The following ADARB2 variants were observed in gnomAD, a reference collection of about 807,000 sequenced individuals.
ADARB2 encodes the protein adenosine deaminase RNA specific B2 (inactive).
ADARB2 carries 25 observed loss-of-function variants against 62.2 expected under a neutral mutation model. The observed-to-expected ratio is 0.40, with a 90% confidence interval of 0.29 to 0.56. The LOEUF (loss-of-function observed/expected upper bound fraction) is 0.56. Ranked by LOEUF, ADARB2 falls within the 20% of genes least tolerant of loss-of-function variation. The pLI is 0.43. For missense variants in ADARB2, 1,071 were observed against 1,077.4 expected, an observed-to-expected ratio of 0.99 and a Z score of 0.08; for synonymous variants, 572 against 500.8, an observed-to-expected ratio of 1.14 and a Z score of -1.90.
chr10:1,249,019 A>G (rs1317016239), intron 4 of ADARB2, among the ~76,000 whole-genome samples: 6 of 152,248 alleles, frequency 3.9e-5, no homozygotes. Context: ...CGTAGCCTGC[A>G]CAACAAAGCA....
chr10:1,199,798 G>T, intron 8 of ADARB2, 168 bp downstream of exon 8: 1 of 722,958 alleles, frequency 1.4e-6, no homozygotes, highest in South Asian at 2.3e-5. Flanking sequence ...GAGAGATGCT[G>T]AAACCTTTCA....
chr10:1,366,466 T>G (rs1379470567), intron 2 of ADARB2, among the ~76,000 whole-genome samples: 1 of 152,204 alleles, frequency 6.6e-6, no homozygotes, highest in Non-Finnish European at 1.5e-5. Flanking sequence ...TAGTGAGCTG[T>G]GCCCTTGCCC....
At chr10:1,186,996 C>T (rs1371236635) in intron 8 of ADARB2, among the ~76,000 whole-genome samples, 1 of 152,260 alleles carries the variant, frequency 6.6e-6, no homozygotes, top group African/African-American at 2.4e-5. Flanking sequence ...CTCTGCTGCT[C>T]CCAGCTTCAT....
chr10:1,415,554 C>T lies in ADARB2; in HGVS notation c.101-36394G>A, dbSNP rs998243930. On this transcript the variant is annotated intron_variant, in intron 1 of 9. Coordinates refer to ENST00000381312, the MANE Select transcript of ADARB2 (RefSeq NM_018702.4). ...AAATATTTGGGAATAGGGTGACTCT[C>T]TCTAATTAAGACTTCAATTACTTTT... 3.9e-5 allele frequency among the ~76,000 whole-genome samples: 6 copies of T among 152,184 alleles called. No individual in the cohort carries two copies. In the East Asian group the frequency reaches 1.2e-3, roughly 29 times the overall value.
In ADARB2 at chr10:1,233,889, C is replaced by G. The variant is rs754273427; in HGVS notation, c.1362-44G>C. The G allele has an allele frequency of 6.9e-5, 110 of 1,587,334 alleles. 2 individuals are homozygous for G. In the South Asian group the frequency reaches 1.3e-3, roughly 18 times the overall value. On this transcript the variant is annotated intron_variant, in intron 5 of 9. Coordinates refer to ENST00000381312, the MANE Select transcript of ADARB2 (RefSeq NM_018702.4). The stretch of plus-strand genomic sequence containing the variant: ...TTGGGGTCATTTATCACAAACCAAA[C>G]CAGAAATGTTCCAACCAGGTGAACG...
chr10:1,630,567 G>T (rs781661575), intron 1 of ADARB2, among the ~76,000 whole-genome samples: 5 of 152,158 alleles, frequency 3.3e-5, no homozygotes, highest in Non-Finnish European at 7.3e-5. Flanking sequence ...CAGGGCAGAG[G>T]GGGTGTGTGC....
intron 1 of ADARB2, among the ~76,000 whole-genome samples, chr10:1,551,646 C>T (rs918799861): frequency 6.6e-6 from 1 of 152,204 alleles, no homozygotes; most frequent in African/African-American, 2.4e-5. Context: ...GACATCTCAC[C>T]TGGTAACCCA....
At chr10:1,440,881 G>A (rs2131895567) in intron 1 of ADARB2, among the ~76,000 whole-genome samples, 1 of 152,310 alleles carries the variant, frequency 6.6e-6, no homozygotes, top group East Asian at 1.9e-4. Context: ...CCTTAGCCAA[G>A]GTGCTCACAG....
In ADARB2 at chr10:1,529,118, CCCCAACACAAATCCTCCAATCA is replaced by C. The variant is rs1564318408; in HGVS notation, c.101-149980_101-149959del. Among the ~76,000 whole-genome samples, 121 of 148,756 alleles carry C rather than the reference CCCCAACACAAATCCTCCAATCA, an allele frequency of 8.1e-4. 3 individuals are homozygous for C. The East Asian group carries it at 0.014, about 17-fold the overall frequency. On this transcript the variant is annotated intron_variant, in intron 1 of 9. Transcript: ENST00000381312. ...ATCCTCCAATCAGTCCACGCACCAT[CCCCAACACAAATCCTCCAATCA>C]GTCCACGCACCATCCCCAACACAAA...
intron 1 of ADARB2, among the ~76,000 whole-genome samples, chr10:1,482,716 G>A (rs1831489270): frequency 6.6e-6 from 1 of 152,110 alleles, no homozygotes; most frequent in Admixed American, 6.5e-5. Context: ...ACCCAGCAAA[G>A]CTGTCTCACG....
At chr10:1,395,981 C>T (rs1022785348) in intron 1 of ADARB2, among the ~76,000 whole-genome samples, 4 of 152,230 alleles carry the variant, frequency 2.6e-5, no homozygotes, top group Non-Finnish European at 4.4e-5. Flanking sequence ...GCTGACCGGA[C>T]TGAGCCACAT....
chr10:1,443,722 C>A (rs982997642), intron 1 of ADARB2, among the ~76,000 whole-genome samples: 19 of 151,722 alleles, frequency 1.3e-4, no homozygotes, highest in African/African-American at 3.9e-4. Context: ...ATAAAAGGTT[C>A]AAGAGTAAAA....
At chr10:1,699,153 C>A (rs1834787519) in intron 1 of ADARB2, among the ~76,000 whole-genome samples, 1 of 152,282 alleles carries the variant, frequency 6.6e-6, no homozygotes, top group South Asian at 2.1e-4. Flanking sequence ...CTGCCAGCTG[C>A]AGCATACTGC....
chr10:1,531,882 T>C (rs1832247212), intron 1 of ADARB2, among the ~76,000 whole-genome samples: 1 of 152,080 alleles, frequency 6.6e-6, no homozygotes, highest in Admixed American at 6.6e-5. Context: ...CCAGCTTTCC[T>C]CCTAACAACA....
chr10:1,323,649 G>C (rs889954712), intron 3 of ADARB2, among the ~76,000 whole-genome samples: 1 of 152,024 alleles, frequency 6.6e-6, no homozygotes, highest in Non-Finnish European at 1.5e-5. Context: ...GAGCAGAATA[G>C]AGAACCCAGT....
chr10:1,270,904 G>C (rs75036478), intron 4 of ADARB2, 51 bp downstream of exon 4: 22 of 1,517,416 alleles, frequency 1.4e-5, no homozygotes. Flanking sequence ...AGATGCTAAT[G>C]CTCCTTTCTT....
intron 1 of ADARB2, among the ~76,000 whole-genome samples, chr10:1,597,414 C>A (rs187768119): frequency 5.3e-5 from 8 of 152,152 alleles, no homozygotes; most frequent in Admixed American, 1.3e-4. Context: ...GGAGCTCAAA[C>A]AACTCAACAG....
chr10:1,363,862 C>A lies in ADARB2; in HGVS notation c.243G>T (p.Arg81=). The change falls in exon 3 of 10, where the codon CGG becomes CGT. Residue 81 remains arginine (R), a synonymous_variant. Transcript: ENST00000381312. ...ENRNVGNLAA[R]PPPSGDRARG... ...GGGCCCGGTCCCCGGAGGGCGGTGG[C>A]CGCGCGGCCAGGTTGCCCACGTTGC... 6.6e-7 allele frequency: 1 copy of A among 1,509,530 alleles called. No individual in the cohort carries two copies. The highest frequency in any genetic ancestry group is 8.8e-7 in the Non-Finnish European group (1 of 1,139,098). 93.5% of individuals were successfully genotyped at this position (1,509,530 alleles called of 1,614,324 possible). A position where few individuals can be genotyped will look rare whatever the true frequency, so the allele number is the denominator to read the frequency against.
intron 1 of ADARB2, among the ~76,000 whole-genome samples, chr10:1,542,142 T>C (rs369676620): frequency 3.2e-4 from 8 of 24,666 alleles, no homozygotes; most frequent in South Asian, 1.8e-3. Context: ...ATCACAGCCG[T>C]CCAGACCCCA....
Sources: allele counts gnomAD v4.1 joint callset (sites outside exome capture counted in the v4.1 genomes callset), GRCh38; gene constraint gnomAD v4.1.1; transcripts MANE v1.5; gene names NCBI Gene and HGNC (gene_info 2026-07-23, HGNC 2026-07-21).